SPOCK1: variants seen among roughly 807,000 people sequenced by gnomAD.
The protein encoded by SPOCK1 is SPARC (osteonectin), cwcv and kazal like domains proteoglycan 1.
A neutral mutation model predicts 55.3 loss-of-function variants in SPOCK1; 23 were observed. That is an observed-to-expected ratio of 0.42 (90% CI 0.30 to 0.59). The LOEUF (loss-of-function observed/expected upper bound fraction) is 0.59. SPOCK1 is among the 20% of genes least tolerant of loss of function. SPOCK1 has a pLI of 0.22. For missense variants in SPOCK1, 499 were observed against 552.5 expected (o/e 0.90, Z 0.97); for synonymous variants, 226 against 221.0 (o/e 1.02, Z -0.20).
Position 137,292,426 on chromosome 5 carries a change from T to TA in SPOCK1, c.187-25372dup, listed in dbSNP as rs753574851. On this transcript the variant is annotated intron_variant, in intron 2 of 10. Coordinates refer to ENST00000394945, the MANE Select transcript of SPOCK1 (RefSeq NM_004598.4). ...TATGCTGTCCATTCACTGGTGTAGT[T>TA]AAAAAAAAAAAAAAAAAAAAAAAAA... Among the ~76,000 whole-genome samples the TA allele has an allele frequency of 3.1e-3, 119 of 38,004 alleles. 4 individuals carry two copies. Among genetic ancestry groups the TA allele is most frequent in the Non-Finnish European group, 4.2e-3 (87 of 20,634 alleles). 24.9% of individuals were successfully genotyped at this position (38,004 alleles called of 152,430 possible). A position where few individuals can be genotyped will look rare whatever the true frequency, so the allele number is the denominator to read the frequency against.
At chr5:137,247,780 G>T (rs1205818763) in intron 3 of SPOCK1, among the ~76,000 whole-genome samples, 2 of 152,186 alleles carry the variant, frequency 1.3e-5, no homozygotes, top group Non-Finnish European at 2.9e-5. Context: ...GGGGAAGACA[G>T]GAAAACCTGA....
At chr5:137,464,459 T>TA (rs1214334672) in intron 2 of SPOCK1, among the ~76,000 whole-genome samples, 5 of 151,614 alleles carry the variant, frequency 3.3e-5, no homozygotes. Flanking sequence ...AATTATAATT[T>TA]AAAAAAAATT....
chr5:137,073,618 T>C (rs1032077872), intron 5 of SPOCK1, among the ~76,000 whole-genome samples: 1 of 151,980 alleles, frequency 6.6e-6, no homozygotes, highest in Non-Finnish European at 1.5e-5. Context: ...TCCAAATAAG[T>C]CAGAGCCTTA....
At chr5:137,473,154 C>G (rs1753771123) in intron 2 of SPOCK1, among the ~76,000 whole-genome samples, 1 of 152,170 alleles carries the variant, frequency 6.6e-6, no homozygotes, top group South Asian at 2.1e-4. Flanking sequence ...AATAAATGCA[C>G]AAGATTATTC....
intron 2 of SPOCK1, among the ~76,000 whole-genome samples, chr5:137,428,664 A>G (rs1752683470): frequency 6.6e-6 from 1 of 152,236 alleles, no homozygotes. Context: ...TTCTCCCTCA[A>G]TGTCCTGCTG....
intron 2 of SPOCK1, among the ~76,000 whole-genome samples, chr5:137,276,184 C>T (rs1757063519): frequency 6.6e-6 from 1 of 152,240 alleles, no homozygotes; most frequent in Non-Finnish European, 1.5e-5. Context: ...GGTCGAGCCA[C>T]CAATGAACTA....
intron 5 of SPOCK1, among the ~76,000 whole-genome samples, chr5:137,100,312 A>C (rs1753238280): frequency 6.6e-6 from 1 of 152,206 alleles, no homozygotes; most frequent in Non-Finnish European, 1.5e-5. Flanking sequence ...CAATTGATGC[A>C]TTCTCTCCAT....
intron 4 of SPOCK1, among the ~76,000 whole-genome samples, chr5:137,138,420 C>T (rs1754030033): frequency 6.6e-6 from 1 of 151,904 alleles, no homozygotes; most frequent in African/African-American, 2.4e-5. Context: ...CCAAAAATGT[C>T]TTGTCTAACA....
chr5:137,273,247 G>A, intron 2 of SPOCK1: 2 of 342,916 alleles, frequency 5.8e-6, no homozygotes, highest in Non-Finnish European at 8.3e-6. Context: ...ATAAATGTGT[G>A]TGGTACTGGT....
intron 3 of SPOCK1, among the ~76,000 whole-genome samples, chr5:137,194,249 T>C (rs1469566013): frequency 6.6e-6 from 1 of 152,250 alleles, no homozygotes; most frequent in African/African-American, 2.4e-5. Flanking sequence ...TCTTCCTTCA[T>C]GCTTTGCAGA....
At chr5:137,081,507 C>A (rs943783636) in intron 5 of SPOCK1, among the ~76,000 whole-genome samples, 2 of 152,218 alleles carry the variant, frequency 1.3e-5, no homozygotes, top group Non-Finnish European at 2.9e-5. Context: ...ACCAACCATT[C>A]AGCCTGCTTT....
chr5:137,223,486 C>A (rs996058426), intron 3 of SPOCK1, among the ~76,000 whole-genome samples: 4 of 152,104 alleles, frequency 2.6e-5, no homozygotes, highest in Non-Finnish European at 5.9e-5. Context: ...TCTTTCCTCA[C>A]AATTGACTAC....
At chr5:137,054,865 A>G (rs1408363080) in intron 6 of SPOCK1, among the ~76,000 whole-genome samples, 3 of 152,222 alleles carry the variant, frequency 2.0e-5, no homozygotes, top group Non-Finnish European at 4.4e-5. Context: ...ATATAAAGAT[A>G]AATTAGACAT....
intron 8 of SPOCK1, 126 bp from the exon 9 acceptor site, chr5:136,985,328 T>A (rs1438461137): frequency 1.1e-6 from 1 of 933,492 alleles, no homozygotes; most frequent in Non-Finnish European, 1.7e-6. Context: ...CCATATGCTG[T>A]TACTATGCAA....
At chr5:137,159,602 G>A (rs559391325) in intron 3 of SPOCK1, among the ~76,000 whole-genome samples, 12 of 151,212 alleles carry the variant, frequency 7.9e-5, no homozygotes, top group Middle Eastern at 3.4e-3. Flanking sequence ...TTGGTTTTCT[G>A]TTCCTAAGTT....
intron 2 of SPOCK1, among the ~76,000 whole-genome samples, chr5:137,292,880 C>G (rs947998521): frequency 3.3e-5 from 5 of 152,172 alleles, no homozygotes; most frequent in Non-Finnish European, 7.4e-5. Context: ...TTGCAGGCCA[C>G]ATTTCCCTCA....
intron 2 of SPOCK1, among the ~76,000 whole-genome samples, chr5:137,292,528 G>A (rs1426048076): frequency 6.9e-6 from 1 of 144,304 alleles, no homozygotes; most frequent in South Asian, 2.4e-4. Context: ...GATGTGATCT[G>A]AAAAGATGGA....
At chr5:137,109,191 C>T (rs1349098573) in intron 5 of SPOCK1, among the ~76,000 whole-genome samples, 1 of 152,202 alleles carries the variant, frequency 6.6e-6, no homozygotes, top group African/African-American at 2.4e-5. Flanking sequence ...GAGGATCAGA[C>T]AGTTTGCTCC....
At chr5:137,371,648 A>G (rs1751204548) in intron 2 of SPOCK1, among the ~76,000 whole-genome samples, 1 of 152,140 alleles carries the variant, frequency 6.6e-6, no homozygotes, top group Non-Finnish European at 1.5e-5. Context: ...ACAACCTCCT[A>G]AGAAGTTGAT....
Sources: allele counts gnomAD v4.1 joint callset (sites outside exome capture counted in the v4.1 genomes callset), GRCh38; gene constraint gnomAD v4.1.1; transcripts MANE v1.5; gene names NCBI Gene and HGNC (gene_info 2026-07-23, HGNC 2026-07-21).